PEMT: variants seen among roughly 807,000 people sequenced by gnomAD.
PEMT encodes the protein phospholipid methyltransferase.
In PEMT, 23 loss-of-function variants were observed where a neutral mutation model predicts 27.4. The observed-to-expected ratio is 0.84, with a 90% CI of 0.60 to 1.19. PEMT has a LOEUF of 1.19. PEMT is among the 50% of genes most tolerant of loss of function. PEMT has a pLI of 0.00. For synonymous variants in PEMT, 137 were observed against 139.1 expected, an observed-to-expected ratio of 0.98 and a Z score of 0.11; for missense variants, 307 against 310.1, an observed-to-expected ratio of 0.99 and a Z score of 0.07.
intron 2 of PEMT, among the ~76,000 whole-genome samples, chr17:17,567,314 TCAC>T (rs1910892952): frequency 6.6e-6 from 1 of 152,260 alleles, no homozygotes; most frequent in Non-Finnish European, 1.5e-5. Flanking sequence ...GTACACTTTG[TCAC>T]CACGTTGCTC....
intron 2 of PEMT, among the ~76,000 whole-genome samples, chr17:17,550,169 A>C (rs569766654): frequency 8.6e-5 from 13 of 151,996 alleles, no homozygotes; most frequent in South Asian, 4.2e-4. Flanking sequence ...GCTCCCCACC[A>C]CCCCCCTCTG....
At chr17:17,580,165 T>TATC (rs1331036901) in intron 1 of PEMT, among the ~76,000 whole-genome samples, 1 of 152,114 alleles carries the variant, frequency 6.6e-6, no homozygotes, top group Non-Finnish European at 1.5e-5. Context: ...GGCCTGGCCT[T>TATC]ATCTTCAGCT....
At chr17:17,530,116 T>A (rs550640137) in intron 2 of PEMT, among the ~76,000 whole-genome samples, 1 of 152,232 alleles carries the variant, frequency 6.6e-6, no homozygotes, top group Non-Finnish European at 1.5e-5. Context: ...TCAAAATTAT[T>A]ACCTACAGGT....
intron 2 of PEMT, among the ~76,000 whole-genome samples, chr17:17,555,783 T>G (rs1241635136): frequency 6.6e-6 from 1 of 152,176 alleles, no homozygotes; most frequent in Non-Finnish European, 1.5e-5. Context: ...ATGCTCGCCC[T>G]CTGGGGCGGA....
At chr17:17,524,425 C>T (rs1187436574) in intron 2 of PEMT, among the ~76,000 whole-genome samples, 2 of 152,090 alleles carry the variant, frequency 1.3e-5, no homozygotes, top group Admixed American at 1.3e-4. Context: ...TCTCCACATC[C>T]TCCCCAACAC....
intron 4 of PEMT, among the ~76,000 whole-genome samples, chr17:17,510,702 G>A (rs1302591281): frequency 6.6e-6 from 1 of 152,232 alleles, no homozygotes. Context: ...TGGCAGGGCC[G>A]CCAGGAGGCT....
At chr17:17,550,428 G>A (rs1015929074) in intron 2 of PEMT, among the ~76,000 whole-genome samples, 2 of 152,200 alleles carry the variant, frequency 1.3e-5, no homozygotes, top group Non-Finnish European at 2.9e-5. Context: ...TGGGTGTCAA[G>A]GGGTGTGTGC....
chr17:17,556,611 T>C (rs1910070947), intron 2 of PEMT, among the ~76,000 whole-genome samples: 1 of 152,014 alleles, frequency 6.6e-6, no homozygotes, highest in Non-Finnish European at 1.5e-5. Context: ...TGACCTCAGA[T>C]GATCCACCTG....
intron 2 of PEMT, among the ~76,000 whole-genome samples, chr17:17,572,103 C>A (rs748922822): frequency 6.6e-6 from 1 of 152,224 alleles, no homozygotes; most frequent in Non-Finnish European, 1.5e-5. Flanking sequence ...GGGCAGCCAA[C>A]GGCCTTGCCT....
intron 2 of PEMT, among the ~76,000 whole-genome samples, chr17:17,542,816 G>T (rs962051800): frequency 6.6e-6 from 1 of 152,202 alleles, no homozygotes; most frequent in Non-Finnish European, 1.5e-5. Context: ...GGACTGGGCC[G>T]CCCCCTCCTT....
intron 2 of PEMT, among the ~76,000 whole-genome samples, chr17:17,558,189 AACAC>A (rs59657645): frequency 6.7e-5 from 10 of 150,074 alleles, no homozygotes; most frequent in Admixed American, 5.3e-4. Flanking sequence ...CACACATACA[AACAC>A]ACACACACAC....
chr17:17,539,841 T>C (rs1256098254), intron 2 of PEMT, among the ~76,000 whole-genome samples: 4 of 152,176 alleles, frequency 2.6e-5, no homozygotes, highest in African/African-American at 9.7e-5. Context: ...GCAGCCCCTG[T>C]GCCCCACCCA....
rs1299617637 is a variant in PEMT, at chr17:17,571,584, A to G, written c.204+5336T>C. Among the ~76,000 whole-genome samples, 14 of 152,286 alleles carry G rather than the reference A, an allele frequency of 9.2e-5. No individual in the cohort carries two copies. The East Asian group carries it at 2.3e-3, about 25-fold the overall frequency. Reference sequence around the variant, plus strand: ...CAGAAGCGGGCAGCACCCCAGCCCAATGCTGGGAAAACACTCCCTAGAGCC... The same window carrying G: ...CAGAAGCGGGCAGCACCCCAGCCCAGTGCTGGGAAAACACTCCCTAGAGCC... On this transcript the variant is annotated intron_variant, in intron 2 of 6. Transcript: ENST00000255389.
At chr17:17,563,966 C>G (rs1170261457) in intron 2 of PEMT, among the ~76,000 whole-genome samples, 1 of 152,182 alleles carries the variant, frequency 6.6e-6, no homozygotes, top group Non-Finnish European at 1.5e-5. Context: ...GGGCTGTGGC[C>G]TGGGCAGCTT....
At chr17:17,572,461 G>A (rs1311078090) in intron 2 of PEMT, among the ~76,000 whole-genome samples, 1 of 152,172 alleles carries the variant, frequency 6.6e-6, no homozygotes, top group East Asian at 1.9e-4. Flanking sequence ...AACCTCCGAG[G>A]ACACTCAAGA....
At chr17:17,558,508 CA>C (rs11292697) in intron 2 of PEMT, among the ~76,000 whole-genome samples, 88,037 of 143,814 alleles carry the variant, frequency 0.61, 27,016 homozygotes, top group African/African-American at 0.73. Flanking sequence ...AACTCTATCT[CA>C]AAAAAAAAAA....
chr17:17,577,761 T>C (rs1911712906), intron 1 of PEMT, among the ~76,000 whole-genome samples: 1 of 151,716 alleles, frequency 6.6e-6, no homozygotes, highest in Non-Finnish European at 1.5e-5. Context: ...CTCATGCCTG[T>C]AATCCCAGCA....
chr17:17,575,545 G>A (rs1018399454), intron 2 of PEMT, among the ~76,000 whole-genome samples: 1 of 152,234 alleles, frequency 6.6e-6, no homozygotes, highest in East Asian at 1.9e-4. Context: ...GGGAGGAAAC[G>A]CCAGGATGGC....
At chr17:17,509,621 G>A in intron 4 of PEMT, 76 bp from the exon 5 acceptor site, 1 of 1,010,098 alleles carries the variant, frequency 9.9e-7, no homozygotes, top group African/African-American at 1.6e-5. Context: ...AGGCCCCAGA[G>A]CGGGCTGTGG....
Sources: allele counts gnomAD v4.1 joint callset (sites outside exome capture counted in the v4.1 genomes callset), GRCh38; gene constraint gnomAD v4.1.1; transcripts MANE v1.5; gene names NCBI Gene and HGNC (gene_info 2026-07-23, HGNC 2026-07-21).